The following RFX3 variants were observed in gnomAD, a reference collection of about 807,000 sequenced individuals.
The protein encoded by RFX3 is transcription factor RFX3.
In RFX3, 14 loss-of-function variants were observed where a neutral mutation model predicts 98.6. That is an observed-to-expected ratio of 0.14 (90% CI 0.09 to 0.22). RFX3 has a LOEUF of 0.22. Ranked by LOEUF, RFX3 falls within the 10% of genes least tolerant of loss-of-function variation. RFX3 has a pLI of 1.00. For missense variants in RFX3, 639 were observed against 926.9 expected (o/e 0.69, Z 4.03); for synonymous variants, 383 against 328.4 (o/e 1.17, Z -1.80).
In RFX3 at chr9:3,467,085, C is replaced by T. The variant is rs867787634; in HGVS notation, c.-9+58662G>A. The stretch of plus-strand genomic sequence containing the variant: ...ATATATATAAGTATATATGTATATA[C>T]ATACATATATGTAAGTATATATGTA... On this transcript the variant is annotated intron_variant, in intron 1 of 16. Coordinates refer to ENST00000617270, the MANE Select transcript of RFX3 (RefSeq NM_001282116.2). Among the ~76,000 whole-genome samples the T allele has an allele frequency of 5.3e-3, 603 of 112,908 alleles. 15 individuals are homozygous for T. The highest frequency in any genetic ancestry group is 0.037 in the African/African-American group (567 of 15,480). The allele number at this position is 112,908 out of a possible 152,430, so 74.1% of individuals were successfully genotyped here. A position where few individuals can be genotyped will look rare whatever the true frequency, so the allele number is the denominator to read the frequency against.
intron 13 of RFX3, among the ~76,000 whole-genome samples, chr9:3,258,871 CAT>C (rs35446477): frequency 0.017 from 2,577 of 151,344 alleles, 71 homozygotes; most frequent in African/African-American, 0.059. Context: ...TTATAAAACA[CAT>C]ATATCTACAC....
chr9:3,378,707 C>G (rs1838835989), intron 2 of RFX3, among the ~76,000 whole-genome samples: 1 of 152,006 alleles, frequency 6.6e-6, no homozygotes, highest in Middle Eastern at 3.4e-3. Context: ...CAGGCATGCT[C>G]CACCATGCCC....
intron 15 of RFX3, among the ~76,000 whole-genome samples, chr9:3,240,772 G>A (rs947681885): frequency 6.6e-6 from 1 of 152,198 alleles, no homozygotes; most frequent in Non-Finnish European, 1.5e-5. Context: ...ATCTTCACCT[G>A]TGGTTGAGAG....
intron 1 of RFX3, among the ~76,000 whole-genome samples, chr9:3,431,494 TAC>T (rs1471247878): frequency 6.6e-6 from 1 of 152,164 alleles, no homozygotes; most frequent in Non-Finnish European, 1.5e-5. Flanking sequence ...AAGTTGTCAC[TAC>T]AGTTACGCCA....
intron 7 of RFX3, among the ~76,000 whole-genome samples, chr9:3,281,050 T>A (rs1825859442): frequency 6.6e-6 from 1 of 151,824 alleles, no homozygotes; most frequent in Admixed American, 6.6e-5. Context: ...TGTATATATA[T>A]CAAATCAATT....
At position 3,447,124 on chromosome 9, in the gene RFX3, T is replaced by A. The variant is rs565687380; in HGVS notation, c.-8-51528A>T. Among the ~76,000 whole-genome samples, 44 of 152,248 alleles carry A rather than the reference T, an allele frequency of 2.9e-4. 1 individual carries two copies. The highest frequency in any genetic ancestry group is 2.4e-3 in the Admixed American group (37 of 15,288). On this transcript the variant is annotated intron_variant, in intron 1 of 16. Transcript: ENST00000617270. ...TGTAGGTTAAAAAAAATTCACACCT[T>A]GATAATTTTCTTCTAACATGCTGCC...
chr9:3,406,985 A>C (rs943645923), intron 1 of RFX3, among the ~76,000 whole-genome samples: 1 of 152,194 alleles, frequency 6.6e-6, no homozygotes, highest in Non-Finnish European at 1.5e-5. Flanking sequence ...TGTTTTAATA[A>C]GTACATCTGA....
At chr9:3,505,222 T>TTATATATGTATATTTATA (rs1554728222) in intron 1 of RFX3, among the ~76,000 whole-genome samples, 20 of 55,576 alleles carry the variant, frequency 3.6e-4, no homozygotes, top group African/African-American at 2.1e-4. Flanking sequence ...GAATATATAT[T>TTATATATGTATATTTATA]TATATATGAA....
At chr9:3,337,794 T>G (rs1486875685) in intron 3 of RFX3, among the ~76,000 whole-genome samples, 1 of 152,214 alleles carries the variant, frequency 6.6e-6, no homozygotes, top group South Asian at 2.1e-4. Flanking sequence ...ATAAATTCTT[T>G]GTCTTAAATA....
In RFX3 at chr9:3,330,240, T is replaced by G; in HGVS notation, c.474+19A>C. 1 of 1,613,286 alleles carries G rather than the reference T, an allele frequency of 6.2e-7. No individual in the cohort carries two copies. On this transcript the variant is annotated intron_variant, in intron 4 of 16. Coordinates refer to ENST00000617270, the MANE Select transcript of RFX3 (RefSeq NM_001282116.2). ...ACTATTAAAAGCTAAACTAAACTAC[T>G]AAAAATTCAAATACTTACTGTCGCT...
chr9:3,416,399 C>T (rs1221461081), intron 1 of RFX3, among the ~76,000 whole-genome samples: 2 of 152,120 alleles, frequency 1.3e-5, no homozygotes, highest in Non-Finnish European at 2.9e-5. Context: ...TTACATTATG[C>T]TATGTTGGGC....
At chr9:3,492,322 C>G (rs1850783455) in intron 1 of RFX3, among the ~76,000 whole-genome samples, 1 of 152,230 alleles carries the variant, frequency 6.6e-6, no homozygotes, top group Non-Finnish European at 1.5e-5. Context: ...TCATTTGACA[C>G]TCATGTCAGA....
chr9:3,517,158 T>C (rs1244114578), intron 1 of RFX3, among the ~76,000 whole-genome samples: 1 of 152,156 alleles, frequency 6.6e-6, no homozygotes, highest in Admixed American at 6.5e-5. Context: ...CCTTTCCCAG[T>C]GTCAATCTTG....
At chr9:3,363,985 C>T (rs1320572885) in intron 2 of RFX3, among the ~76,000 whole-genome samples, 1 of 152,238 alleles carries the variant, frequency 6.6e-6, no homozygotes, top group Non-Finnish European at 1.5e-5. Context: ...AAGCAATTCC[C>T]CTGTCTCAGC....
intron 2 of RFX3, among the ~76,000 whole-genome samples, chr9:3,376,733 A>C (rs1838549428): frequency 6.6e-6 from 1 of 152,178 alleles, no homozygotes; most frequent in South Asian, 2.1e-4. Flanking sequence ...CAATGAACTC[A>C]AACAAATTTA....
At chr9:3,343,137 C>T (rs368706972) in intron 3 of RFX3, among the ~76,000 whole-genome samples, 6 of 152,154 alleles carry the variant, frequency 3.9e-5, no homozygotes, top group Non-Finnish European at 7.3e-5. Flanking sequence ...TCATAAGTGA[C>T]GACACATATC....
At chr9:3,438,263 T>C (rs1385519004) in intron 1 of RFX3, among the ~76,000 whole-genome samples, 1 of 152,150 alleles carries the variant, frequency 6.6e-6, no homozygotes, top group East Asian at 1.9e-4. Flanking sequence ...AGCAGTGTTT[T>C]TTAGAACTGA....
chr9:3,297,185 A>G (rs745585277), intron 5 of RFX3, among the ~76,000 whole-genome samples: 8 of 152,052 alleles, frequency 5.3e-5, no homozygotes, highest in Non-Finnish European at 7.4e-5. Context: ...GTATTCCCCA[A>G]TCTTAACATT....
chr9:3,488,091 G>A (rs957493183), intron 1 of RFX3, among the ~76,000 whole-genome samples: 9 of 152,094 alleles, frequency 5.9e-5, no homozygotes, highest in Non-Finnish European at 1.3e-4. Context: ...TACCACTCCC[G>A]TTCCCAAGAT....
Sources: allele counts gnomAD v4.1 joint callset (sites outside exome capture counted in the v4.1 genomes callset), GRCh38; gene constraint gnomAD v4.1.1; transcripts MANE v1.5; gene names NCBI Gene and HGNC (gene_info 2026-07-23, HGNC 2026-07-21).